The following HS3ST4 variants were observed in gnomAD, a reference collection of about 807,000 sequenced individuals.
The protein encoded by HS3ST4 is heparan sulfate glucosamine 3-O-sulfotransferase 4.
A neutral mutation model predicts 29.2 loss-of-function variants in HS3ST4; 17 were observed. The ratio of observed to expected loss-of-function variants is 0.58; its 90% confidence interval spans 0.40 to 0.87. The LOEUF (loss-of-function observed/expected upper bound fraction) is 0.87, where lower values mean the gene tolerates loss of function less well. Among genes scored for constraint, HS3ST4 ranks in the 40% least tolerant of loss-of-function variants. HS3ST4 has a pLI of 0.00. For synonymous variants in HS3ST4, 314 were observed against 285.7 expected (o/e 1.10, Z -1.00); for missense variants, 627 against 634.5 (o/e 0.99, Z 0.13).
At chr16:26,063,704 A>G (rs367929717) in intron 1 of HS3ST4, among the ~76,000 whole-genome samples, 65 of 152,274 alleles carry the variant, frequency 4.3e-4, no homozygotes, top group African/African-American at 9.6e-4. Context: ...TCTTAAAAAA[A>G]TAAAGAAAGA....
chr16:25,698,787 T>TTG (rs760360422), intron 1 of HS3ST4, among the ~76,000 whole-genome samples: 29 of 152,186 alleles, frequency 1.9e-4, no homozygotes, highest in Non-Finnish European at 4.0e-4. Flanking sequence ...ATGATTGGCT[T>TTG]TGCAGTGTGC....
rs139681657 is a variant in HS3ST4, at chr16:25,987,126, G to C, written c.735-148486G>C. Reference sequence around the variant, plus strand: ...AGCACTTTGGGAGGCCGAGGTGGGTGGATCACCTGAGGTCGGGAGTTCGAA... The same window carrying C: ...AGCACTTTGGGAGGCCGAGGTGGGTCGATCACCTGAGGTCGGGAGTTCGAA... On this transcript the variant is annotated intron_variant, in intron 1 of 1. Coordinates refer to ENST00000331351, the MANE Select transcript of HS3ST4 (RefSeq NM_006040.3). Among the ~76,000 whole-genome samples the C allele has an allele frequency of 7.1e-3, 1,078 of 152,280 alleles. 4 individuals are homozygous for C. Among genetic ancestry groups the C allele is most frequent in the Non-Finnish European group, 0.011 (751 of 68,028 alleles).
chr16:26,005,749 C>T (rs1969252410), intron 1 of HS3ST4, among the ~76,000 whole-genome samples: 1 of 151,394 alleles, frequency 6.6e-6, no homozygotes, highest in Non-Finnish European at 1.5e-5. Flanking sequence ...AAAAAAAAAC[C>T]TTTGAAGCAG....
intron 1 of HS3ST4, among the ~76,000 whole-genome samples, chr16:25,969,267 A>G (rs1968873415): frequency 6.6e-6 from 1 of 152,128 alleles, no homozygotes; most frequent in South Asian, 2.1e-4. Context: ...TTGCTCTCAT[A>G]CTGTGGGCCC....
At chr16:25,695,706 T>C (rs1277819104) in intron 1 of HS3ST4, among the ~76,000 whole-genome samples, 1 of 152,242 alleles carries the variant, frequency 6.6e-6, no homozygotes, top group Non-Finnish European at 1.5e-5. Context: ...TAAATGATGG[T>C]ATCTGTACCT....
chr16:25,754,688 C>G (rs1966744767), intron 1 of HS3ST4, among the ~76,000 whole-genome samples: 1 of 152,086 alleles, frequency 6.6e-6, no homozygotes, highest in Non-Finnish European at 1.5e-5. Context: ...CCCTTTAAAA[C>G]CCTCAGATCT....
chr16:25,922,585 T>A (rs1005576296), intron 1 of HS3ST4, among the ~76,000 whole-genome samples: 1 of 152,262 alleles, frequency 6.6e-6, no homozygotes, highest in African/African-American at 2.4e-5. Context: ...GAGGGTTGTT[T>A]ATTCAACAGA....
chr16:25,809,780 A>C (rs539404282), intron 1 of HS3ST4, among the ~76,000 whole-genome samples: 26 of 152,240 alleles, frequency 1.7e-4, no homozygotes, highest in African/African-American at 6.3e-4. Flanking sequence ...AATAGTGTAT[A>C]GTTGTTCATG....
At chr16:25,717,257 C>A (rs1966460676) in intron 1 of HS3ST4, among the ~76,000 whole-genome samples, 1 of 152,078 alleles carries the variant, frequency 6.6e-6, no homozygotes, top group African/African-American at 2.4e-5. Context: ...TACGCAGAAG[C>A]AATGGATTCT....
At chr16:25,801,224 A>T (rs1966930573) in intron 1 of HS3ST4, among the ~76,000 whole-genome samples, 2 of 152,114 alleles carry the variant, frequency 1.3e-5, no homozygotes, top group Non-Finnish European at 2.9e-5. Context: ...TCTTTTGCTT[A>T]ATTTATCGTG....
chr16:26,078,748 A>G (rs1392312942), intron 1 of HS3ST4, among the ~76,000 whole-genome samples: 1 of 152,234 alleles, frequency 6.6e-6, no homozygotes, highest in African/African-American at 2.4e-5. Context: ...AAATTCAACA[A>G]GAGATTTGAC....
At position 25,917,366 on chromosome 16, in the gene HS3ST4, C is replaced by T. The variant is rs143032995; in HGVS notation, c.735-218246C>T. Among the ~76,000 whole-genome samples, 655 of 152,270 alleles carry T rather than the reference C, an allele frequency of 4.3e-3. 3 individuals carry two copies. Among genetic ancestry groups the T allele is most frequent in the African/African-American group, 0.015 (623 of 41,544 alleles). On this transcript the variant is annotated intron_variant, in intron 1 of 1. Transcript: ENST00000331351. ...TAGCTGGGATTACAGGCGCATGCCA[C>T]CATGCCTGGCTAATTTTTGTATTTT...
At chr16:26,126,983 A>G (rs9924966) in intron 1 of HS3ST4, among the ~76,000 whole-genome samples, 9,185 of 152,068 alleles carry the variant, frequency 0.06, 897 homozygotes, top group African/African-American at 0.2. Context: ...CCATGGGAAT[A>G]AGGGAATAGC....
intron 1 of HS3ST4, among the ~76,000 whole-genome samples, chr16:26,009,844 G>A (rs996363044): frequency 2.0e-5 from 3 of 152,222 alleles, no homozygotes; most frequent in African/African-American, 4.8e-5. Context: ...AGAACTGCAG[G>A]TATGACTTAA....
At chr16:25,773,660 T>A (rs1966844933) in intron 1 of HS3ST4, among the ~76,000 whole-genome samples, 1 of 152,150 alleles carries the variant, frequency 6.6e-6, no homozygotes. Context: ...GTTAAAAAAA[T>A]TCAGTAGCTT....
Position 26,078,190 on chromosome 16 carries a change from G to C in HS3ST4, c.735-57422G>C, listed in dbSNP as rs1056850774. Among the ~76,000 whole-genome samples the C allele has an allele frequency of 3.3e-5, 5 of 152,246 alleles. No individual in the cohort carries two copies. In the South Asian group the frequency reaches 1.0e-3, roughly 32 times the overall value. ...GAGTCTCACTGTGTCCCTCAGGCTGGAGTGCAGTGGCATGATCTCGGCACA... is the reference window on the plus strand; with the variant it reads ...GAGTCTCACTGTGTCCCTCAGGCTGCAGTGCAGTGGCATGATCTCGGCACA... On this transcript the variant is annotated intron_variant, in intron 1 of 1. Transcript: ENST00000331351.
At chr16:25,909,566 A>G (rs1430237084) in intron 1 of HS3ST4, among the ~76,000 whole-genome samples, 2 of 152,282 alleles carry the variant, frequency 1.3e-5, no homozygotes, top group East Asian at 3.9e-4. Flanking sequence ...AAAGAGATAC[A>G]GTTGGGAGGA....
intron 1 of HS3ST4, among the ~76,000 whole-genome samples, chr16:25,787,345 A>G (rs376025534): frequency 6.6e-6 from 1 of 152,238 alleles, no homozygotes; most frequent in Admixed American, 6.5e-5. Flanking sequence ...AAGTGTTCAC[A>G]CTGTATTCAT....
chr16:25,808,638 C>T (rs567998959), intron 1 of HS3ST4, among the ~76,000 whole-genome samples: 2 of 152,240 alleles, frequency 1.3e-5, no homozygotes, highest in East Asian at 1.9e-4. Context: ...TGTTTGTTTA[C>T]CTCTACAAAA....
Sources: gnomAD v4.1 joint callset for allele counts (sites outside exome capture counted in the v4.1 genomes callset) on GRCh38, gnomAD v4.1.1 for gene constraint, MANE v1.5 for transcripts, NCBI Gene and HGNC (gene_info 2026-07-23, HGNC 2026-07-21) for gene names.